The following DGKB variants were observed in gnomAD, a reference collection of about 807,000 sequenced individuals.
The protein encoded by DGKB is diacylglycerol kinase beta, also known as 90 kDa diacylglycerol kinase.
DGKB carries 67 observed loss-of-function variants against 114.3 expected under a neutral mutation model. That is an observed-to-expected ratio of 0.59 (90% CI 0.48 to 0.72). The LOEUF (loss-of-function observed/expected upper bound fraction) is 0.72. Ranked by LOEUF, DGKB falls within the 30% of genes least tolerant of loss-of-function variation. The probability of loss-of-function intolerance (pLI) is 0.00; values close to 1 mark genes in which losing one functional copy is unlikely to be tolerated. For synonymous variants in DGKB, 398 were observed against 323.1 expected (o/e 1.23, Z -2.49); for missense variants, 907 against 975.2 (o/e 0.93, Z 0.93).
chr7:14,889,422 C>T (rs1780827180), intron 1 of DGKB, among the ~76,000 whole-genome samples: 1 of 151,490 alleles, frequency 6.6e-6, no homozygotes, highest in African/African-American at 2.4e-5. Context: ...AGATAAACAC[C>T]TCTGCATTTT....
chr7:14,534,382 G>T (rs1792084879), intron 20 of DGKB, among the ~76,000 whole-genome samples: 1 of 152,022 alleles, frequency 6.6e-6, no homozygotes, highest in East Asian at 1.9e-4. Context: ...CAGGAGAAGA[G>T]GAGGGGAACA....
At chr7:14,790,914 C>A (rs1250157186) in intron 2 of DGKB, among the ~76,000 whole-genome samples, 1 of 152,122 alleles carries the variant, frequency 6.6e-6, no homozygotes, top group Non-Finnish European at 1.5e-5. Context: ...GCCATCTTTG[C>A]TATGTTTAGA....
At chr7:14,821,816 G>C (rs960379799) in intron 2 of DGKB, among the ~76,000 whole-genome samples, 1 of 152,152 alleles carries the variant, frequency 6.6e-6, no homozygotes, top group African/African-American at 2.4e-5. Context: ...TGGAGAAGAG[G>C]CAAGAAGACC....
At chr7:14,839,532 G>C (rs542688268) in intron 2 of DGKB, among the ~76,000 whole-genome samples, 6 of 151,138 alleles carry the variant, frequency 4.0e-5, no homozygotes, top group African/African-American at 9.7e-5. Flanking sequence ...CTGCCAAGTA[G>C]CTGGGACTAC....
intron 20 of DGKB, among the ~76,000 whole-genome samples, chr7:14,535,059 A>T (rs886168721): frequency 2.0e-5 from 3 of 152,200 alleles, no homozygotes; most frequent in African/African-American, 7.2e-5. Context: ...AGTTTATGGC[A>T]ATAAATATCT....
chr7:14,966,446 GTATATATA>G (rs141065134), intron 1 of DGKB, among the ~76,000 whole-genome samples: 2 of 148,820 alleles, frequency 1.3e-5, no homozygotes, highest in Non-Finnish European at 3.0e-5. Context: ...ATATTTGTGT[GTATATATA>G]TATATATATG....
rs1796142039 is a variant in DGKB at position 14,558,193 on chromosome 7, C to T, written c.1770+16019G>A. On this transcript the variant is annotated intron_variant, in intron 20 of 25. Transcript: ENST00000402815. ...AGATATATATACATATGTATACCTTCTGTATAGAGGATGACTATATCATAA... is the reference window on the plus strand; with the variant it reads ...AGATATATATACATATGTATACCTTTTGTATAGAGGATGACTATATCATAA... 4.7e-5 allele frequency among the ~76,000 whole-genome samples: 7 copies of T among 149,698 alleles called. No homozygotes were observed. In the South Asian group the frequency reaches 1.5e-3, roughly 31 times the overall value.
intron 5 of DGKB, among the ~76,000 whole-genome samples, chr7:14,735,835 A>G (rs1831627231): frequency 6.6e-6 from 1 of 152,238 alleles, no homozygotes. Context: ...AAAGCAAGTG[A>G]TAGATAAGGA....
chr7:14,832,427 C>T (rs977581189), intron 2 of DGKB, among the ~76,000 whole-genome samples: 3 of 152,014 alleles, frequency 2.0e-5, no homozygotes, highest in Non-Finnish European at 4.4e-5. Flanking sequence ...TATAATCCTT[C>T]CACTTTGTTT....
At chr7:14,238,305 C>A (rs1429608664) in intron 23 of DGKB, among the ~76,000 whole-genome samples, 1 of 151,844 alleles carries the variant, frequency 6.6e-6, no homozygotes, top group Non-Finnish European at 1.5e-5. Context: ...GCAGTTTCCC[C>A]CTTCATTCTC....
chr7:14,501,048 T>C (rs1786090284), intron 20 of DGKB, among the ~76,000 whole-genome samples: 2 of 151,788 alleles, frequency 1.3e-5, no homozygotes, highest in South Asian at 4.1e-4. Context: ...AGTTTGAGGA[T>C]AAAACTATTT....
intron 20 of DGKB, among the ~76,000 whole-genome samples, chr7:14,534,175 G>T (rs564113797): frequency 6.6e-6 from 1 of 152,042 alleles, no homozygotes; most frequent in African/African-American, 2.4e-5. Context: ...ACACGTGGAG[G>T]AGAATAAAAG....
At chr7:14,277,596 G>A (rs7793052) in intron 23 of DGKB, among the ~76,000 whole-genome samples, 114,794 of 152,146 alleles carry the variant, frequency 0.75, 44,302 homozygotes, top group South Asian at 0.86. Context: ...TAATGTCAGC[G>A]TTTCCCTCTT....
At chr7:14,621,748 T>A (rs1188486908) in intron 14 of DGKB, among the ~76,000 whole-genome samples, 1 of 152,032 alleles carries the variant, frequency 6.6e-6, no homozygotes. Flanking sequence ...TGTGCCCAAT[T>A]ATGACTCTTT....
intron 23 of DGKB, among the ~76,000 whole-genome samples, chr7:14,246,047 C>T (rs1442677023): frequency 6.6e-6 from 1 of 152,134 alleles, no homozygotes; most frequent in Non-Finnish European, 1.5e-5. Context: ...TAGGAATTGG[C>T]ATTCTGGTTA....
intron 25 of DGKB, among the ~76,000 whole-genome samples, chr7:14,167,494 A>C (rs945634425): frequency 1.3e-5 from 2 of 150,046 alleles, no homozygotes; most frequent in Admixed American, 6.7e-5. Context: ...CCCTGGGAGT[A>C]AAAAAAAAAT....
At chr7:14,235,632 T>C (rs138385652) in intron 23 of DGKB, among the ~76,000 whole-genome samples, 4 of 152,084 alleles carry the variant, frequency 2.6e-5, no homozygotes, top group Non-Finnish European at 4.4e-5. Flanking sequence ...AATATTTGCT[T>C]AGAGTGTAAT....
chr7:14,288,719 G>T (rs1022742253), intron 23 of DGKB, among the ~76,000 whole-genome samples: 1 of 151,994 alleles, frequency 6.6e-6, no homozygotes, highest in African/African-American at 2.4e-5. Flanking sequence ...AGACTCCATG[G>T]GCAATTCCCT....
At chr7:14,282,110 G>A (rs1195357704) in intron 23 of DGKB, among the ~76,000 whole-genome samples, 2 of 60,202 alleles carry the variant, frequency 3.3e-5, no homozygotes, top group African/African-American at 6.4e-5. Flanking sequence ...TTGATAGACC[G>A]CTAGCAAGAC....
Sources: allele counts gnomAD v4.1 joint callset (sites outside exome capture counted in the v4.1 genomes callset), GRCh38; gene constraint gnomAD v4.1.1; transcripts MANE v1.5; gene names NCBI Gene and HGNC (gene_info 2026-07-23, HGNC 2026-07-21).